PTPN4: variants seen among roughly 807,000 people sequenced by gnomAD.
PTPN4 encodes the protein protein tyrosine phosphatase non-receptor type 4.
Under a neutral mutation model 135.5 loss-of-function variants are expected in PTPN4, and 49 were observed. That is an observed-to-expected ratio of 0.36 (90% confidence interval 0.29 to 0.46). The LOEUF (loss-of-function observed/expected upper bound fraction) is 0.46, where lower values mean the gene tolerates loss of function less well. Ranked by LOEUF, PTPN4 falls within the 20% of genes least tolerant of loss-of-function variation. The pLI, the probability that PTPN4 is intolerant of heterozygous loss-of-function variation, is 1.00. For missense variants in PTPN4, 860 were observed against 1,101.0 expected, an observed-to-expected ratio of 0.78 and a Z score of 3.10; for synonymous variants, 333 against 369.9, an observed-to-expected ratio of 0.90 and a Z score of 1.14.
At chr2:119,858,566 A>T (rs1460590339) in intron 2 of PTPN4, among the ~76,000 whole-genome samples, 1 of 152,026 alleles carries the variant, frequency 6.6e-6, no homozygotes, top group Non-Finnish European at 1.5e-5. Context: ...AGTGAAATGA[A>T]TGTCACCTCA....
At chr2:119,975,023 T>C (rs974036714) in intron 26 of PTPN4, among the ~76,000 whole-genome samples, 3 of 151,688 alleles carry the variant, frequency 2.0e-5, no homozygotes, top group Admixed American at 6.6e-5. Flanking sequence ...ATGAAAAGAG[T>C]TTTCCTTTTT....
intron 19 of PTPN4, 128 bp downstream of exon 19, chr2:119,952,257 C>T (rs558666535): frequency 1.2e-6 from 1 of 800,722 alleles, no homozygotes; most frequent in East Asian, 3.2e-5. Context: ...CAGTGGCTTT[C>T]ATTGACACGT....
chr2:119,946,356 C>T lies in PTPN4; in HGVS notation c.1531C>T (p.Pro511Ser). 4.4e-6 allele frequency: 7 copies of T among 1,605,578 alleles called. No individual in the cohort carries two copies. Among genetic ancestry groups the T allele is most frequent in the Non-Finnish European group, 6.0e-6 (7 of 1,176,242 alleles). ...TCTTTTTAAGCCTAATGGTGGTATT[C>T]CACATGATAATCTTGTCCTAATCAG... is the stretch of plus-strand genomic sequence containing the variant. ...PEKPTPNGGI[P>S]HDNLVLIRMK... Residue 511 changes from proline (P) to serine (S), a missense_variant, in exon 17 of 27, where the codon CCA becomes TCA. Around this residue, in one of 2 missense-constraint regions of PTPN4, gnomAD observed 684 missense variants for 807.0 expected, o/e 0.85. Coordinates refer to ENST00000263708, the MANE Select transcript of PTPN4 (RefSeq NM_002830.4).
intron 26 of PTPN4, among the ~76,000 whole-genome samples, chr2:119,975,980 T>C (rs1679609681): frequency 1.4e-5 from 2 of 140,034 alleles, no homozygotes; most frequent in Admixed American, 1.6e-4. Context: ...TATTTTATTT[T>C]ATTTTTATTT....
intron 24 of PTPN4, among the ~76,000 whole-genome samples, chr2:119,964,114 A>C (rs976855554): frequency 6.6e-6 from 1 of 152,244 alleles, no homozygotes; most frequent in African/African-American, 2.4e-5. Flanking sequence ...TCTTCAGTGT[A>C]AATGGCAATA....
At chr2:119,902,793 T>TA (rs1678425045) in intron 10 of PTPN4, among the ~76,000 whole-genome samples, 1 of 152,202 alleles carries the variant, frequency 6.6e-6, no homozygotes, top group Non-Finnish European at 1.5e-5. Context: ...GTCCTTCTTA[T>TA]ATGAGAGAGG....
intron 2 of PTPN4, among the ~76,000 whole-genome samples, chr2:119,846,763 CT>C (rs1558743496): frequency 6.6e-6 from 1 of 150,976 alleles, no homozygotes; most frequent in South Asian, 2.1e-4. Flanking sequence ...TTTCAGTTTT[CT>C]TTTTTTTAAC....
intron 11 of PTPN4, among the ~76,000 whole-genome samples, chr2:119,919,437 CAG>C (rs1206841815): frequency 6.6e-6 from 1 of 152,044 alleles, no homozygotes; most frequent in Non-Finnish European, 1.5e-5. Context: ...TATTTTGAAA[CAG>C]AGTCATAGCT....
At chr2:119,816,311 G>T (rs753157029) in intron 2 of PTPN4, among the ~76,000 whole-genome samples, 2 of 152,210 alleles carry the variant, frequency 1.3e-5, no homozygotes, top group Non-Finnish European at 2.9e-5. Context: ...CAGTTACTTA[G>T]GAGGCTGCGG....
At chr2:119,921,796 C>T (rs891680385) in intron 12 of PTPN4, among the ~76,000 whole-genome samples, 4 of 152,080 alleles carry the variant, frequency 2.6e-5, no homozygotes, top group Non-Finnish European at 5.9e-5. Context: ...AAGAAATCTC[C>T]ACGGCTTTAT....
chr2:119,966,382 C>T (rs1313342568), intron 25 of PTPN4, among the ~76,000 whole-genome samples: 2 of 152,144 alleles, frequency 1.3e-5, no homozygotes, highest in African/African-American at 2.4e-5. Flanking sequence ...CCTCAGCCCC[C>T]GGAGTAGCTA....
intron 15 of PTPN4, among the ~76,000 whole-genome samples, chr2:119,942,275 G>A (rs942652642): frequency 2.6e-5 from 4 of 152,150 alleles, no homozygotes; most frequent in African/African-American, 9.7e-5. Context: ...ATGTAACTGA[G>A]TATTGCCACT....
rs1679717599 is a variant in PTPN4, at chr2:119,983,071, T to A, written c.*6001T>A. On this transcript the variant is annotated 3_prime_UTR_variant, in exon 27 of 27. Coordinates refer to ENST00000263708, the MANE Select transcript of PTPN4 (RefSeq NM_002830.4). The stretch of plus-strand genomic sequence containing the variant: ...TTCTCTTTCCACGTCTCCAACTTTT[T>A]AAAAATCACTAATTTAACTCTTTGT... 1 of 152,188 alleles carries A rather than the reference T, an allele frequency of 6.6e-6. No homozygotes were observed. Among genetic ancestry groups the A allele is most frequent in the Non-Finnish European group, 1.5e-5 (1 of 68,036 alleles). 9.4% of individuals were successfully genotyped at this position (152,188 alleles called of 1,614,324 possible).
At chr2:119,803,627 A>T (rs998439120) in intron 1 of PTPN4, among the ~76,000 whole-genome samples, 4 of 152,170 alleles carry the variant, frequency 2.6e-5, no homozygotes, top group Non-Finnish European at 5.9e-5. Flanking sequence ...AAAATAATTA[A>T]TATTCTGTTG....
chr2:119,938,411 G>A (rs956994915), intron 15 of PTPN4, among the ~76,000 whole-genome samples: 2 of 152,112 alleles, frequency 1.3e-5, no homozygotes, highest in African/African-American at 4.8e-5. Context: ...ACAGGCATGA[G>A]CCACCATGCC....
In PTPN4 at chr2:119,921,164, G is replaced by T. The variant is rs191519565; in HGVS notation, c.1001+923G>T. Among the ~76,000 whole-genome samples, 1,120 of 152,146 alleles carry T rather than the reference G, an allele frequency of 7.4e-3. 13 individuals are homozygous for T. Among genetic ancestry groups the T allele is most frequent in the African/African-American group, 0.025 (1,057 of 41,516 alleles). On this transcript the variant is annotated intron_variant, in intron 12 of 26. Transcript: ENST00000263708. ...TAGCTGGCTGTGGTGGTGGGCGCTTGTAATCCCAGCTACTTGGGAGGCTGA... is the reference window on the plus strand; with the variant it reads ...TAGCTGGCTGTGGTGGTGGGCGCTTTTAATCCCAGCTACTTGGGAGGCTGA...
rs374543158 is a variant in PTPN4, at chr2:119,968,558, G to A, written c.2694+586G>A. On this transcript the variant is annotated intron_variant, in intron 26 of 26. Transcript: ENST00000263708. ...TGTAATCCCAGCACTTTGGGAGGCC[G>A]AGGCGGGCGGATCACGAGGTCAGGA... 3.6e-4 allele frequency among the ~76,000 whole-genome samples: 55 copies of A among 152,248 alleles called. 2 individuals carry two copies. The East Asian group carries it at 5.2e-3, about 14-fold the overall frequency.
At chr2:119,955,447 T>C in intron 20 of PTPN4, 124 bp downstream of exon 20, 4 of 884,704 alleles carry the variant, frequency 4.5e-6, no homozygotes, top group Non-Finnish European at 6.0e-6. Flanking sequence ...GAGAAATGTT[T>C]GACATAAAGA....
At chr2:119,911,649 T>G (rs1267885917) in intron 10 of PTPN4, among the ~76,000 whole-genome samples, 1 of 151,944 alleles carries the variant, frequency 6.6e-6, no homozygotes, top group Non-Finnish European at 1.5e-5. Flanking sequence ...TACTAGTGTT[T>G]TAAAAAAAGA....
Sources: gnomAD v4.1 joint callset for allele counts (sites outside exome capture counted in the v4.1 genomes callset) on GRCh38, gnomAD v4.1.1 for gene constraint, gnomAD v4.1.1 regional missense constraint, MANE v1.5 for transcripts, NCBI Gene and HGNC (gene_info 2026-07-23, HGNC 2026-07-21) for gene names.